Variants in SMYD5 observed in about 807,000 individuals in gnomAD.
SMYD5 encodes the protein SMYD family member 5.
A neutral mutation model predicts 57.4 loss-of-function variants in SMYD5; 35 were observed. The observed-to-expected ratio is 0.61, with a 90% CI of 0.47 to 0.81. The LOEUF is 0.81. Among genes scored for constraint, SMYD5 ranks in the 30% least tolerant of loss-of-function variants. SMYD5 has a pLI of 0.00. For synonymous variants in SMYD5, 198 were observed against 189.7 expected (o/e 1.04, Z -0.36); for missense variants, 471 against 527.9 (o/e 0.89, Z 1.06).
chr2:73,223,795 G>C (rs1686450982), intron 9 of SMYD5, 152 bp from the exon 10 acceptor site: 1 of 760,470 alleles, frequency 1.3e-6, no homozygotes, highest in African/African-American at 1.7e-5. Flanking sequence ...TTCTGTCTCG[G>C]AGAGGCAAGT....
intron 11 of SMYD5, 94 bp downstream of exon 11, chr2:73,225,054 A>G (rs528499423): frequency 1.1e-6 from 1 of 891,306 alleles, no homozygotes; most frequent in South Asian, 1.6e-5. Flanking sequence ...AGCACCTTGA[A>G]GTTCAGGCTG....
rs758113648 is a variant in SMYD5, at chr2:73,221,842, G to A, written c.554G>A (p.Arg185His). 9.9e-6 allele frequency: 16 copies of A among 1,613,504 alleles called. No homozygotes were observed. The highest frequency in any genetic ancestry group is 9.3e-5 in the African/African-American group (7 of 74,902). Residue 185 changes from arginine to histidine, a missense_variant, in exon 6 of 13, where the codon CGT (arginine) becomes CAT (histidine). By Grantham distance (29) the Arg-to-His change is conservative. Coordinates refer to ENST00000389501, the MANE Select transcript of SMYD5 (RefSeq NM_006062.3). Reference sequence around the variant, plus strand: ...TCACTGCAGGCGAAGGACAAGGACCGTTGGATCAGACTCTTTTCCCAGTTT... The same window carrying A: ...TCACTGCAGGCGAAGGACAAGGACCATTGGATCAGACTCTTTTCCCAGTTT... ...ATVKQAKDKD[R>H]WIRLFSQFCN...
chr2:73,214,815 C>G, intron 1 of SMYD5: 1 of 1,307,444 alleles, frequency 7.6e-7, no homozygotes, highest in East Asian at 5.5e-5. Flanking sequence ...GGAATTTGGA[C>G]CAGAGTCCAA....
chr2:73,223,810 G>T, intron 9 of SMYD5, 137 bp from the exon 10 acceptor site: 1 of 828,218 alleles, frequency 1.2e-6, no homozygotes, highest in Non-Finnish European at 2.1e-6. Flanking sequence ...GCAAGTTTAG[G>T]TAAGATGGTA....
At chr2:73,222,875 A>T (rs892339526) in intron 7 of SMYD5, 58 bp downstream of exon 7, 173 of 1,566,878 alleles carry the variant, frequency 1.1e-4, no homozygotes, top group Non-Finnish European at 1.5e-4. Flanking sequence ...CTCCAGGAGC[A>T]ATCAGGTCAT....
Position 73,220,660 on chromosome 2 carries a change from G to A in SMYD5, c.346-1G>A. 6.2e-7 allele frequency: 1 copy of A among 1,614,012 alleles called. No individual in the cohort carries two copies. Among genetic ancestry groups the A allele is most frequent in the Non-Finnish European group, 8.5e-7 (1 of 1,180,012 alleles). The stretch of plus-strand genomic sequence containing the variant: ...GTACTGACCTCTATCCCACCTAACA[G>A]GTGATGTACTGCAGTGCAGAATGTC... On this transcript the variant is annotated splice_acceptor_variant, in intron 3 of 12. Transcript: ENST00000389501. LOFTEE classifies it high-confidence loss of function.
intron 10 of SMYD5, 84 bp from the exon 11 acceptor site, chr2:73,224,782 C>A: frequency 2.8e-6 from 3 of 1,079,546 alleles, no homozygotes; most frequent in Non-Finnish European, 4.1e-6. Context: ...GATGAACGAG[C>A]AAGAAAGGAC....
intron 11 of SMYD5, 71 bp downstream of exon 11, chr2:73,225,031 C>A: frequency 1.7e-6 from 2 of 1,172,292 alleles, no homozygotes; most frequent in Non-Finnish European, 2.5e-6. Context: ...GGATCAGGAG[C>A]AGCAGTGGCT....
chr2:73,225,217 T>G, intron 11 of SMYD5: 1 of 496,684 alleles, frequency 2.0e-6, no homozygotes, highest in Non-Finnish European at 3.6e-6. Context: ...CCCAGCTATC[T>G]TTTGGTCAAA....
chr2:73,214,655 G>A lies in SMYD5; in HGVS notation c.96+293G>A, dbSNP rs533762510. On this transcript the variant is annotated intron_variant, in intron 1 of 12. Coordinates refer to ENST00000389501, the MANE Select transcript of SMYD5 (RefSeq NM_006062.3). ...CGGGGCGGGGCTAGGGGGCTTTGCT[G>A]CTGTATCCCTGGAACGGTGGGCGGG... 6 of 1,478,950 alleles carry A rather than the reference G, an allele frequency of 4.1e-6. No individual in the cohort carries two copies. In the South Asian group the frequency reaches 7.3e-5, roughly 18 times the overall value. 91.6% of individuals were successfully genotyped at this position (1,478,950 alleles called of 1,614,324 possible).
chr2:73,221,080 T>G, intron 4 of SMYD5, 85 bp from the exon 5 acceptor site: 2 of 1,243,268 alleles, frequency 1.6e-6, no homozygotes, highest in Non-Finnish European at 2.4e-6. Context: ...GTAGGAAGTT[T>G]TCTCTGTACC....
intron 2 of SMYD5, among the ~76,000 whole-genome samples, chr2:73,219,376 CT>C (rs1307915791): frequency 2.0e-5 from 3 of 151,988 alleles, no homozygotes; most frequent in Non-Finnish European, 4.4e-5. Flanking sequence ...TCACACTTTT[CT>C]TTTTTTGGGG....
chr2:73,225,961 G>C lies in SMYD5; in HGVS notation c.*15G>C, dbSNP rs1408629042. On this transcript the variant is annotated 3_prime_UTR_variant, in exon 13 of 13. Transcript: ENST00000389501. ...CTGATGTGTGATGTTGCCCTGCCCA[G>C]AAAGGGCCCTGCCCTAGACCCTGCC... 10 of 1,608,224 alleles carry C rather than the reference G, an allele frequency of 6.2e-6. No individual in the cohort carries two copies. The South Asian group carries it at 1.1e-4, about 18-fold the overall frequency.
Position 73,225,808 on chromosome 2 carries a change from A to G in SMYD5, c.1119A>G (p.Leu373=), listed in dbSNP as rs369369832. 1.9e-5 allele frequency: 30 copies of G among 1,613,774 alleles called. No individual in the cohort carries two copies. Among genetic ancestry groups the G allele is most frequent in the Admixed American group, 1.0e-4 (6 of 59,998 alleles). The stretch of plus-strand genomic sequence containing the variant: ...CCCACCGCTGCAGGGAGAACTATCT[A>G]TTTGTCTGTTCCTGTCCCAAATGCC... The part of the protein sequence containing the change: ...SRHKILRENY[L]FVCSCPKCLA... The change falls in exon 13 of 13, where the codon CTA becomes CTG. Residue 373 remains leucine (L), a synonymous_variant. Coordinates refer to ENST00000389501, the MANE Select transcript of SMYD5 (RefSeq NM_006062.3).
At chr2:73,225,114 T>C (rs1455863247) in intron 11 of SMYD5, 154 bp downstream of exon 11, 3 of 612,986 alleles carry the variant, frequency 4.9e-6, no homozygotes, top group Non-Finnish European at 8.7e-6. Flanking sequence ...CAGCTCATGG[T>C]TAGGTTCTAA....
rs556872267 is a variant in SMYD5 at position 73,214,368 on chromosome 2, G to C, written c.96+6G>C. On this transcript the variant is annotated splice_donor_region_variant and intron_variant, in intron 1 of 12. Transcript: ENST00000389501. ...GTTTCGTGAGCAGCGCCAAGGTGAG[G>C]TCGGGGCGGGTCCTGCCGGGAGCCT... 6 of 1,613,178 alleles carry C rather than the reference G, an allele frequency of 3.7e-6. No individual in the cohort carries two copies. In the African/African-American group the frequency reaches 8.0e-5, roughly 22 times the overall value.
chr2:73,226,084 G>C lies in SMYD5; in HGVS notation c.*138G>C. On this transcript the variant is annotated 3_prime_UTR_variant, in exon 13 of 13. Coordinates refer to ENST00000389501, the MANE Select transcript of SMYD5 (RefSeq NM_006062.3). ...TCCAGCCCTCTCTGCTAGAGGGTAG[G>C]AGAGAGCCTGGATCTCTGGCCCCAA... 8.2e-7 allele frequency: 1 copy of C among 1,222,540 alleles called. No individual in the cohort carries two copies. Among genetic ancestry groups the C allele is most frequent in the Non-Finnish European group, 1.1e-6 (1 of 900,442 alleles). 75.7% of individuals were successfully genotyped at this position (1,222,540 alleles called of 1,614,324 possible).
Position 73,226,649 on chromosome 2 carries a change from G to A in SMYD5, c.*703G>A, listed in dbSNP as rs1018271717. On this transcript the variant is annotated 3_prime_UTR_variant, in exon 13 of 13. Coordinates refer to ENST00000389501, the MANE Select transcript of SMYD5 (RefSeq NM_006062.3). ...CACAGTGGCTGGCCTTATGGAGTATGGAAAAGGCCTCTGCCTTCCTCAGGA... is the reference window on the plus strand; with the variant it reads ...CACAGTGGCTGGCCTTATGGAGTATAGAAAAGGCCTCTGCCTTCCTCAGGA... 1.3e-5 allele frequency: 2 copies of A among 152,864 alleles called. No homozygotes were observed. Among genetic ancestry groups the A allele is most frequent in the African/African-American group, 4.8e-5 (2 of 41,444 alleles). The allele number at this position is 152,864 out of a possible 1,614,324, so 9.5% of individuals were successfully genotyped here.
chr2:73,214,693 A>C (rs1282452051), intron 1 of SMYD5: 1 of 1,401,002 alleles, frequency 7.1e-7, no homozygotes, highest in South Asian at 1.2e-5. Flanking sequence ...TGTGCCGGGC[A>C]GAGAGAACTG....
Sources: allele counts gnomAD v4.1 joint callset (sites outside exome capture counted in the v4.1 genomes callset), GRCh38; gene constraint gnomAD v4.1.1; transcripts MANE v1.5; gene names NCBI Gene and HGNC (gene_info 2026-07-23, HGNC 2026-07-21).